The following RS1 variants were observed in gnomAD, a reference collection of about 807,000 sequenced individuals.
RS1 encodes the protein retinoschisin.
In RS1, 2 loss-of-function variants were observed where a neutral mutation model predicts 20.8. That is an observed-to-expected ratio of 0.10 (90% CI 0.04 to 0.30). RS1 has a LOEUF of 0.30. RS1 is among the 10% of genes least tolerant of loss of function. The pLI is 1.00. For synonymous variants in RS1, 70 were observed against 75.8 expected (o/e 0.92, Z 0.40); for missense variants, 151 against 189.8 (o/e 0.80, Z 1.20).
chrX:18,642,749 TA>T (rs1456541563), intron 5 of RS1, among the ~76,000 whole-genome samples: 1 of 112,129 alleles, frequency 8.9e-6, no homozygotes, highest in African/African-American at 3.2e-5. Flanking sequence ...TAAAAAGACA[TA>T]AAAACTTGGC....
At chrX:18,643,449 C>T (rs1469137251) in intron 5 of RS1, among the ~76,000 whole-genome samples, 4 of 112,317 alleles carry the variant, frequency 3.6e-5, no homozygotes, top group Non-Finnish European at 7.5e-5. Context: ...GAGGGTGGAA[C>T]AGGCTCCACC....
chrX:18,667,551 A>G (rs770073432), intron 1 of RS1, among the ~76,000 whole-genome samples: 5 of 109,529 alleles, frequency 4.6e-5, no homozygotes, highest in African/African-American at 1.7e-4. Flanking sequence ...TGTCTCAAAA[A>G]AAAAAAAAAA....
At chrX:18,642,213 G>C (rs1927611520) in intron 5 of RS1, 57 bp from the exon 6 acceptor site, 18 of 1,136,862 alleles carry the variant, frequency 1.6e-5, no homozygotes, top group Non-Finnish European at 1.9e-5. Context: ...AAGGAAGAAG[G>C]GTTCCTTTCT....
At position 18,640,431 on chromosome X, in the gene RS1, CCCA is replaced by C. The variant is rs1488065447; in HGVS notation, c.*1570_*1572del. 3 of 50,945 alleles carry C rather than the reference CCCA, an allele frequency of 5.9e-5. No individual in the cohort carries two copies. The highest frequency in any genetic ancestry group is 2.8e-4 in the African/African-American group (3 of 10,790). The allele number at this position is 50,945 out of a possible 1,213,427, so 4.2% of individuals were successfully genotyped here. A position where few individuals can be genotyped will look rare whatever the true frequency, so the allele number is the denominator to read the frequency against. Reference sequence around the variant, plus strand: ...TGTCCTAAGGCCAGGGATAAGTCCCCCCACCCCCCCCCCCCACCCCCAACACCC... The same window carrying C: ...TGTCCTAAGGCCAGGGATAAGTCCCCCCCCCCCCCCCCACCCCCAACACCC... On this transcript the variant is annotated 3_prime_UTR_variant, in exon 6 of 6. Coordinates refer to ENST00000379984, the MANE Select transcript of RS1 (RefSeq NM_000330.4).
At chrX:18,664,510 C>G (rs1381450553) in intron 1 of RS1, among the ~76,000 whole-genome samples, 1 of 110,127 alleles carries the variant, frequency 9.1e-6, no homozygotes, top group South Asian at 4.0e-4. Flanking sequence ...CACCTGTAGT[C>G]CCAGCTACTC....
rs762173324 is a variant in RS1, at chrX:18,650,649, C to T, written c.185-3317G>A. On this transcript the variant is annotated intron_variant, in intron 3 of 5. Transcript: ENST00000379984. ...GCCTGGGCTGTACCTCGGAATTGCCCGAGGAGCTGTAGAAATGCAGATGTT... is the reference window on the plus strand; with the variant it reads ...GCCTGGGCTGTACCTCGGAATTGCCTGAGGAGCTGTAGAAATGCAGATGTT... 7.5e-5 allele frequency: 86 copies of T among 1,147,744 alleles called. No individual in the cohort carries two copies. The Admixed American group carries it at 9.8e-4, about 13-fold the overall frequency. The allele number at this position is 1,147,744 out of a possible 1,213,427, so 94.6% of individuals were successfully genotyped here. A position where few individuals can be genotyped will look rare whatever the true frequency, so the allele number is the denominator to read the frequency against.
chrX:18,663,469 T>C (rs1402196777), intron 1 of RS1, among the ~76,000 whole-genome samples: 1 of 107,182 alleles, frequency 9.3e-6, no homozygotes, highest in Non-Finnish European at 1.9e-5. Context: ...CAGCCTCCCA[T>C]GGTAGCTGGG....
chrX:18,669,288 C>T (rs1032864451), intron 1 of RS1, among the ~76,000 whole-genome samples: 3 of 109,150 alleles, frequency 2.7e-5, no homozygotes, highest in Non-Finnish European at 5.7e-5. Flanking sequence ...GTCGGGAGTT[C>T]GAGACCAGCC....
At chrX:18,644,805 T>A (rs189534862) in intron 4 of RS1, among the ~76,000 whole-genome samples, 180 bp from the exon 5 acceptor site, 25 of 112,555 alleles carry the variant, frequency 2.2e-4, no homozygotes, top group South Asian at 3.7e-4. Context: ...ATACTTAACT[T>A]GCATCTCATT....
At chrX:18,661,950 G>T (rs1439400643) in intron 1 of RS1, among the ~76,000 whole-genome samples, 1 of 112,293 alleles carries the variant, frequency 8.9e-6, no homozygotes, top group Non-Finnish European at 1.9e-5. Context: ...CAGCATTTGG[G>T]CACGAAGGCA....
intron 1 of RS1, among the ~76,000 whole-genome samples, chrX:18,662,311 T>A (rs767148269): frequency 8.9e-6 from 1 of 112,414 alleles, no homozygotes; most frequent in Non-Finnish European, 1.9e-5. Context: ...TTTAAAAAAA[T>A]TATTATTATA....
At chrX:18,642,294 A>G (rs1927614074) in intron 5 of RS1, 138 bp from the exon 6 acceptor site, 2 of 610,297 alleles carry the variant, frequency 3.3e-6, no homozygotes, top group African/African-American at 4.4e-5. Flanking sequence ...GTGCCCCCCA[A>G]AATCTGACCT....
chrX:18,644,752 C>T, intron 4 of RS1, 127 bp from the exon 5 acceptor site: 1 of 632,016 alleles, frequency 1.6e-6, no homozygotes, highest in Non-Finnish European at 2.6e-6. Flanking sequence ...GCAGTCTGGG[C>T]TGCAGTCTGA....
At chrX:18,650,455 G>A in intron 3 of RS1, 1 of 1,211,882 alleles carries the variant, frequency 8.3e-7, no homozygotes, top group African/African-American at 1.7e-5. Flanking sequence ...CACACTCCGT[G>A]CGTCCCAAAC....
chrX:18,650,527 C>T lies in RS1; in HGVS notation c.185-3195G>A, dbSNP rs1223372092. Reference sequence around the variant, plus strand: ...TATCCAGTACTCCAGGTCCGAGGCACTTCCATGTGCCCGACACTCCAGGTC... The same window carrying T: ...TATCCAGTACTCCAGGTCCGAGGCATTTCCATGTGCCCGACACTCCAGGTC... On this transcript the variant is annotated intron_variant, in intron 3 of 5. Transcript: ENST00000379984. The T allele has an allele frequency of 8.2e-7, 1 of 1,212,298 alleles. No homozygotes were observed. The highest frequency in any genetic ancestry group is 1.8e-5 in the South Asian group (1 of 57,044).
chrX:18,647,424 G>T, intron 3 of RS1, 92 bp from the exon 4 acceptor site: 1 of 994,869 alleles, frequency 1.0e-6, no homozygotes, highest in Non-Finnish European at 1.4e-6. Flanking sequence ...CATCTGCTTT[G>T]CGCTTCGGAG....
chrX:18,644,663 T>C (rs1230245279), intron 4 of RS1, 38 bp from the exon 5 acceptor site: 2 of 1,176,872 alleles, frequency 1.7e-6, no homozygotes, highest in African/African-American at 3.6e-5. Flanking sequence ...AGACTCCCCC[T>C]GTGCATGTCT....
chrX:18,647,453 G>A, intron 3 of RS1, 121 bp from the exon 4 acceptor site: 1 of 724,759 alleles, frequency 1.4e-6, no homozygotes, highest in South Asian at 2.3e-5. Context: ...GGCTTTACCT[G>A]TCTCTGTGGT....
At chrX:18,662,159 C>T (rs1244068474) in intron 1 of RS1, among the ~76,000 whole-genome samples, 1 of 112,330 alleles carries the variant, frequency 8.9e-6, no homozygotes, top group Non-Finnish European at 1.9e-5. Flanking sequence ...CGTGGACTTC[C>T]CAGCCTCCAG....
Sources: allele counts gnomAD v4.1 joint callset (sites outside exome capture counted in the v4.1 genomes callset), GRCh38; gene constraint gnomAD v4.1.1; transcripts MANE v1.5; gene names NCBI Gene and HGNC (gene_info 2026-07-23, HGNC 2026-07-21).